The following SRPK2 variants were observed in gnomAD, a reference collection of about 807,000 sequenced individuals.
The protein encoded by SRPK2 is SRSF protein kinase 2, also known as SFRS protein kinase 2.
In SRPK2, 21 loss-of-function variants were observed where a neutral mutation model predicts 90.8. The ratio of observed to expected loss-of-function variants is 0.23; its 90% confidence interval spans 0.16 to 0.33. The LOEUF (loss-of-function observed/expected upper bound fraction) is 0.33. Ranked by LOEUF, SRPK2 falls within the 10% of genes least tolerant of loss-of-function variation. The probability of loss-of-function intolerance (pLI) is 1.00; values close to 1 mark genes in which losing one functional copy is unlikely to be tolerated. For synonymous variants in SRPK2, 288 were observed against 311.1 expected (o/e 0.93, Z 0.78); for missense variants, 620 against 869.0 (o/e 0.71, Z 3.60).
chr7:105,120,031 A>C (rs1241394988), intron 15 of SRPK2, among the ~76,000 whole-genome samples: 1 of 152,250 alleles, frequency 6.6e-6, no homozygotes, highest in African/African-American at 2.4e-5. Context: ...GATGGAAATC[A>C]ACTGAATCAA....
At chr7:105,215,351 G>A (rs759987470) in intron 2 of SRPK2, among the ~76,000 whole-genome samples, 4 of 152,170 alleles carry the variant, frequency 2.6e-5, no homozygotes, top group Admixed American at 6.5e-5. Context: ...ATAACGAGAC[G>A]TCAGTGACGT....
chr7:105,203,881 C>T (rs2240463), intron 2 of SRPK2, 96 bp from the exon 3 acceptor site: 467,652 of 1,412,480 alleles, frequency 0.33, 78,460 homozygotes, highest in Non-Finnish European at 0.35. Context: ...AAAAATAAAA[C>T]TTGTCACATA....
chr7:105,177,240 T>C (rs761666895), intron 3 of SRPK2, among the ~76,000 whole-genome samples: 6 of 152,276 alleles, frequency 3.9e-5, no homozygotes, highest in African/African-American at 7.2e-5. Flanking sequence ...GCACTGAGAA[T>C]AGACGGCATG....
chr7:105,357,509 C>T lies in SRPK2; in HGVS notation c.71+31139G>A, dbSNP rs141495018. On this transcript the variant is annotated intron_variant, in intron 2 of 15. Coordinates refer to ENST00000393651, the MANE Select transcript of SRPK2 (RefSeq NM_182692.3). ...TTTCTAGATCTGATGTAATACCAGC[C>T]GAGATTGGTGGATCACCTGAGGTCA... is the stretch of plus-strand genomic sequence containing the variant. Among the ~76,000 whole-genome samples, 319 of 152,066 alleles carry T rather than the reference C, an allele frequency of 2.1e-3. 2 individuals carry two copies. The highest frequency in any genetic ancestry group is 7.4e-3 in the African/African-American group (307 of 41,504).
chr7:105,331,342 T>C (rs1474487415), intron 2 of SRPK2, among the ~76,000 whole-genome samples: 6 of 57,624 alleles, frequency 1.0e-4, no homozygotes, highest in East Asian at 7.9e-4. Flanking sequence ...AAAAAACAAA[T>C]AGTTATTACA....
chr7:105,132,418 C>T (rs1802143629), intron 13 of SRPK2, among the ~76,000 whole-genome samples: 1 of 152,222 alleles, frequency 6.6e-6, no homozygotes, highest in Non-Finnish European at 1.5e-5. Context: ...GATGCTACCT[C>T]ATCTTCCTCC....
chr7:105,385,578 C>A (rs1256335270), intron 2 of SRPK2, among the ~76,000 whole-genome samples: 1 of 152,134 alleles, frequency 6.6e-6, no homozygotes, highest in Non-Finnish European at 1.5e-5. Flanking sequence ...CTCCCATCAA[C>A]CTCTCTGGGC....
chr7:105,242,881 A>G (rs1055181282), intron 2 of SRPK2, among the ~76,000 whole-genome samples: 1 of 152,250 alleles, frequency 6.6e-6, no homozygotes, highest in Non-Finnish European at 1.5e-5. Context: ...ATGGAAAGCT[A>G]CAAAAGCCTA....
chr7:105,126,904 C>T, intron 14 of SRPK2, 89 bp downstream of exon 14: 1 of 1,306,578 alleles, frequency 7.7e-7, no homozygotes, highest in Middle Eastern at 1.9e-4. Flanking sequence ...ACACATGGCT[C>T]TATTTCAGTA....
intron 2 of SRPK2, among the ~76,000 whole-genome samples, chr7:105,223,276 G>T (rs1254521063): frequency 6.6e-6 from 1 of 152,194 alleles, no homozygotes; most frequent in African/African-American, 2.4e-5. Context: ...TTCCTAATGT[G>T]AGCAAACCTG....
intron 2 of SRPK2, among the ~76,000 whole-genome samples, chr7:105,346,450 C>T (rs564357692): frequency 1.3e-5 from 2 of 152,142 alleles, no homozygotes; most frequent in East Asian, 3.9e-4. Flanking sequence ...CTGTAAGTCT[C>T]CAGCACTGTC....
chr7:105,275,511 A>T (rs554731200), intron 2 of SRPK2, among the ~76,000 whole-genome samples: 1 of 152,300 alleles, frequency 6.6e-6, no homozygotes, highest in South Asian at 2.1e-4. Flanking sequence ...ACACCTTAAA[A>T]GATACTCAAA....
intron 2 of SRPK2, among the ~76,000 whole-genome samples, chr7:105,229,209 A>G (rs772800283): frequency 3.0e-4 from 45 of 152,212 alleles, no homozygotes; most frequent in Non-Finnish European, 2.8e-4. Flanking sequence ...CACGCCCGTA[A>G]TACCAGCACT....
chr7:105,334,479 C>G (rs893951583), intron 2 of SRPK2, among the ~76,000 whole-genome samples: 1 of 152,026 alleles, frequency 6.6e-6, no homozygotes, highest in Non-Finnish European at 1.5e-5. Flanking sequence ...CCTTAGTCTC[C>G]CAAAGTGCTG....
At chr7:105,196,421 G>C (rs937005633) in intron 3 of SRPK2, among the ~76,000 whole-genome samples, 1 of 152,092 alleles carries the variant, frequency 6.6e-6, no homozygotes, top group East Asian at 1.9e-4. Flanking sequence ...ACAAAAACAG[G>C]CATTTCTATG....
At chr7:105,160,828 T>C (rs1004514835) in intron 6 of SRPK2, among the ~76,000 whole-genome samples, 5 of 152,168 alleles carry the variant, frequency 3.3e-5, no homozygotes, top group Non-Finnish European at 5.9e-5. Flanking sequence ...TCTCAGGAGA[T>C]TGGTTCCAGG....
At chr7:105,278,742 G>T (rs1411320605) in intron 2 of SRPK2, among the ~76,000 whole-genome samples, 1 of 151,458 alleles carries the variant, frequency 6.6e-6, no homozygotes, top group Non-Finnish European at 1.5e-5. Flanking sequence ...AAAGGAAAGG[G>T]GAAAAGGGGA....
chr7:105,278,806 GAGAA>G (rs1453660030), intron 2 of SRPK2, among the ~76,000 whole-genome samples: 1 of 151,650 alleles, frequency 6.6e-6, no homozygotes, highest in Non-Finnish European at 1.5e-5. Flanking sequence ...AAAGGAGAGA[GAGAA>G]AGAAAAAGAA....
At chr7:105,282,782 C>G (rs1034371507) in intron 2 of SRPK2, among the ~76,000 whole-genome samples, 1 of 151,722 alleles carries the variant, frequency 6.6e-6, no homozygotes, top group African/African-American at 2.4e-5. Context: ...GAGTGAGACT[C>G]TGTCTCAAAA....
Sources: allele counts gnomAD v4.1 joint callset (sites outside exome capture counted in the v4.1 genomes callset), GRCh38; gene constraint gnomAD v4.1.1; transcripts MANE v1.5; gene names NCBI Gene and HGNC (gene_info 2026-07-23, HGNC 2026-07-21).